SAMMSON: variants seen among roughly 807,000 people sequenced by gnomAD.
The protein encoded by SAMMSON is long intergenic non-protein coding RNA 1212.
intron 6 of SAMMSON, among the ~76,000 whole-genome samples, chr3:70,287,904 A>T (rs200239988): frequency 2.6e-4 from 38 of 148,852 alleles, no homozygotes; most frequent in Non-Finnish European, 2.4e-4. Flanking sequence ...CAGTGGTGAC[A>T]TCCCCTTTAT....
chr3:70,163,521 T>A (rs1251610559), intron 4 of SAMMSON, among the ~76,000 whole-genome samples: 2 of 151,968 alleles, frequency 1.3e-5, no homozygotes, highest in Non-Finnish European at 2.9e-5. Context: ...ATGTTATTAT[T>A]GTCATATAAA....
chr3:70,119,289 A>T (rs1194685684), intron 4 of SAMMSON, among the ~76,000 whole-genome samples: 1 of 151,520 alleles, frequency 6.6e-6, no homozygotes, highest in African/African-American at 2.4e-5. Flanking sequence ...CTGCTCTCGA[A>T]CTCCTGACCT....
At chr3:70,188,551 T>A (rs1402669177) in intron 4 of SAMMSON, among the ~76,000 whole-genome samples, 1 of 152,148 alleles carries the variant, frequency 6.6e-6, no homozygotes, top group African/African-American at 2.4e-5. Flanking sequence ...GGATGGTATA[T>A]GGAATAAGTC....
intron 4 of SAMMSON, among the ~76,000 whole-genome samples, chr3:70,171,882 G>A (rs1257184236): frequency 1.3e-5 from 2 of 151,846 alleles, no homozygotes; most frequent in African/African-American, 4.8e-5. Flanking sequence ...ACTAGGAGAG[G>A]TATAGAATTC....
intron 4 of SAMMSON, among the ~76,000 whole-genome samples, chr3:70,174,698 T>C (rs1456305672): frequency 2.0e-5 from 3 of 152,050 alleles, no homozygotes; most frequent in South Asian, 4.1e-4. Flanking sequence ...AAAAATATTC[T>C]AGAAAAGGTT....
At position 70,233,046 on chromosome 3, in the gene SAMMSON, G is replaced by A. The variant is rs1029497146; in HGVS notation, n.508-16061G>A. On this transcript the variant is annotated intron_variant and non_coding_transcript_variant, in intron 4 of 9. Transcript: ENST00000642114. ...TCTACTGAAAATACAAAAATTAGCCGGACATGGTGGCATGCGCCTGTGGTC... is the reference window on the plus strand; with the variant it reads ...TCTACTGAAAATACAAAAATTAGCCAGACATGGTGGCATGCGCCTGTGGTC... 3.3e-5 allele frequency among the ~76,000 whole-genome samples: 5 copies of A among 152,076 alleles called. 1 individual carries two copies. In the South Asian group the frequency reaches 8.3e-4, roughly 25 times the overall value.
At chr3:70,106,624 G>A (rs749251451) in intron 4 of SAMMSON, among the ~76,000 whole-genome samples, 6 of 151,916 alleles carry the variant, frequency 3.9e-5, no homozygotes, top group Non-Finnish European at 8.8e-5. Flanking sequence ...ACAAGTGTGG[G>A]CCACAGCGCC....
At chr3:70,290,157 T>C in intron 6 of SAMMSON, among the ~76,000 whole-genome samples, 1 of 152,030 alleles carries the variant, frequency 6.6e-6, no homozygotes, top group East Asian at 1.9e-4. Flanking sequence ...AGTTTCCAGT[T>C]TTTCTGTTCT....
intron 7 of SAMMSON, among the ~76,000 whole-genome samples, chr3:70,336,599 C>G (rs1702662056): frequency 6.6e-6 from 1 of 151,970 alleles, no homozygotes; most frequent in Non-Finnish European, 1.5e-5. Flanking sequence ...ACATCTCCTA[C>G]TTATGAGCAG....
chr3:70,343,395 G>A (rs927345005), intron 7 of SAMMSON, among the ~76,000 whole-genome samples: 1 of 151,922 alleles, frequency 6.6e-6, no homozygotes, highest in Admixed American at 6.6e-5. Context: ...TCTTTACTGT[G>A]AGTGTTTTCA....
intron 1 of SAMMSON, among the ~76,000 whole-genome samples, chr3:70,003,226 A>G (rs1219825366): frequency 6.6e-6 from 1 of 151,992 alleles, no homozygotes; most frequent in Non-Finnish European, 1.5e-5. Flanking sequence ...TTCAACCATT[A>G]TACTTAATGC....
chr3:70,303,033 T>G (rs78702174), intron 7 of SAMMSON, among the ~76,000 whole-genome samples: 2 of 152,160 alleles, frequency 1.3e-5, no homozygotes, highest in African/African-American at 2.4e-5. Flanking sequence ...AGAATCAAAA[T>G]GATTTTGACA....
intron 3 of SAMMSON, among the ~76,000 whole-genome samples, chr3:70,026,363 T>C (rs1397725322): frequency 6.6e-6 from 1 of 152,196 alleles, no homozygotes; most frequent in Non-Finnish European, 1.5e-5. Context: ...TTTTTTCCAT[T>C]CCTTCCTTCT....
At chr3:70,074,611 T>G (rs2067241898) in intron 4 of SAMMSON, among the ~76,000 whole-genome samples, 1 of 152,142 alleles carries the variant, frequency 6.6e-6, no homozygotes, top group South Asian at 2.1e-4. Flanking sequence ...CATTTAAAAA[T>G]CAGTCTTCGT....
At chr3:70,040,556 T>C (rs2067102413) in intron 3 of SAMMSON, among the ~76,000 whole-genome samples, 1 of 152,198 alleles carries the variant, frequency 6.6e-6, no homozygotes, top group African/African-American at 2.4e-5. Context: ...GTTGTCACTC[T>C]GGAGGCGTGG....
At chr3:70,055,306 G>C (rs945805192) in intron 3 of SAMMSON, among the ~76,000 whole-genome samples, 3 of 152,108 alleles carry the variant, frequency 2.0e-5, no homozygotes, top group African/African-American at 2.4e-5. Context: ...ATGGCCACAG[G>C]CCAGATTTGA....
At chr3:70,280,928 A>G (rs561809362) in intron 6 of SAMMSON, among the ~76,000 whole-genome samples, 1 of 152,300 alleles carries the variant, frequency 6.6e-6, no homozygotes, top group Non-Finnish European at 1.5e-5. Context: ...TCAGTCTACT[A>G]GCATTAGATC....
chr3:70,345,683 G>A (rs978587847), intron 7 of SAMMSON, among the ~76,000 whole-genome samples: 4 of 151,970 alleles, frequency 2.6e-5, no homozygotes, highest in Admixed American at 6.6e-5. Flanking sequence ...ACCATTAATC[G>A]GTTTACCATT....
chr3:70,001,684 C>A (rs1172123479), intron 1 of SAMMSON, among the ~76,000 whole-genome samples: 1 of 152,088 alleles, frequency 6.6e-6, no homozygotes, highest in Non-Finnish European at 1.5e-5. Flanking sequence ...TTTGCATACT[C>A]CTTGTGGGAT....
Sources: gnomAD v4.1 joint callset for allele counts (sites outside exome capture counted in the v4.1 genomes callset) on GRCh38, gnomAD v4.1.1 for gene constraint, MANE v1.5 for transcripts, NCBI Gene and HGNC (gene_info 2026-07-23, HGNC 2026-07-21) for gene names.